The following GULP1 variants were observed in gnomAD, a reference collection of about 807,000 sequenced individuals.
GULP1 encodes the protein PTB domain-containing engulfment adapter protein 1.
GULP1 carries 19 observed loss-of-function variants against 40.9 expected under a neutral mutation model. The observed-to-expected ratio is 0.46, with a 90% CI of 0.32 to 0.68. The LOEUF is 0.68. Among genes scored for constraint, GULP1 ranks in the 30% least tolerant of loss-of-function variants. GULP1 has a pLI of 0.03. For missense variants in GULP1, 312 were observed against 362.2 expected (o/e 0.86, Z 1.12); for synonymous variants, 119 against 117.6 (o/e 1.01, Z -0.08).
chr2:188,404,105 GAATCT>G (rs1373639752), intron 2 of GULP1, among the ~76,000 whole-genome samples: 1 of 152,034 alleles, frequency 6.6e-6, no homozygotes, highest in Non-Finnish European at 1.5e-5. Context: ...AGGAATCTAA[GAATCT>G]AATCTAAGAT....
At chr2:188,437,987 C>T (rs901450309) in intron 2 of GULP1, among the ~76,000 whole-genome samples, 2 of 151,890 alleles carry the variant, frequency 1.3e-5, no homozygotes, top group Middle Eastern at 3.4e-3. Context: ...CTTAGTGCCT[C>T]GGTGATGAAA....
intron 1 of GULP1, among the ~76,000 whole-genome samples, chr2:188,366,194 A>G (rs1366778508): frequency 1.3e-5 from 2 of 152,166 alleles, no homozygotes; most frequent in Non-Finnish European, 2.9e-5. Flanking sequence ...ACTCTAAATT[A>G]GAAATTTTAT....
chr2:188,471,151 A>G (rs2060556555), intron 2 of GULP1, among the ~76,000 whole-genome samples: 2 of 152,080 alleles, frequency 1.3e-5, no homozygotes, highest in South Asian at 2.1e-4. Flanking sequence ...AATCTATTTT[A>G]TCTGAAATAA....
chr2:188,432,826 G>A (rs997449883), intron 2 of GULP1, among the ~76,000 whole-genome samples: 1 of 151,908 alleles, frequency 6.6e-6, no homozygotes, highest in Admixed American at 6.6e-5. Context: ...AAGCCAATTT[G>A]GTACCTCGTG....
chr2:188,473,436 A>T (rs1423589466), intron 2 of GULP1, among the ~76,000 whole-genome samples: 1 of 152,168 alleles, frequency 6.6e-6, no homozygotes, highest in Non-Finnish European at 1.5e-5. Flanking sequence ...AGTCAAAACC[A>T]CTTAGAAGTC....
intron 1 of GULP1, among the ~76,000 whole-genome samples, chr2:188,341,212 A>G (rs2042926465): frequency 6.6e-6 from 1 of 152,072 alleles, no homozygotes; most frequent in African/African-American, 2.4e-5. Context: ...GGGAGACCTC[A>G]GGGAGCTTTT....
intron 6 of GULP1, among the ~76,000 whole-genome samples, chr2:188,537,479 A>T (rs1365503952): frequency 1.3e-5 from 2 of 152,018 alleles, no homozygotes; most frequent in African/African-American, 4.8e-5. Flanking sequence ...TTTATGTTGA[A>T]TTGTATTTAT....
chr2:188,467,904 A>G (rs1237050093), intron 2 of GULP1, among the ~76,000 whole-genome samples: 3 of 152,162 alleles, frequency 2.0e-5, no homozygotes, highest in African/African-American at 4.8e-5. Flanking sequence ...TAAGTGATGA[A>G]TTGAATTAGA....
chr2:188,426,791 A>C (rs2056256658), intron 2 of GULP1, among the ~76,000 whole-genome samples: 2 of 152,254 alleles, frequency 1.3e-5, no homozygotes, highest in African/African-American at 4.8e-5. Flanking sequence ...AAGATACCTG[A>C]AAATGTGAAA....
At chr2:188,378,320 A>T (rs920305690) in intron 1 of GULP1, among the ~76,000 whole-genome samples, 1 of 151,968 alleles carries the variant, frequency 6.6e-6, no homozygotes, top group Non-Finnish European at 1.5e-5. Flanking sequence ...GTGGAACATT[A>T]CAATGGGCAA....
intron 2 of GULP1, among the ~76,000 whole-genome samples, chr2:188,418,506 G>A (rs189557191): frequency 2.0e-5 from 3 of 152,128 alleles, no homozygotes; most frequent in Non-Finnish European, 2.9e-5. Flanking sequence ...GGTGGTGGGC[G>A]CCTGTTATCC....
intron 2 of GULP1, among the ~76,000 whole-genome samples, chr2:188,430,846 T>G (rs76824620): frequency 0.018 from 2,732 of 152,268 alleles, 82 homozygotes; most frequent in African/African-American, 0.061. Context: ...TGTTGGACTG[T>G]AGATTATAAG....
chr2:188,334,931 T>A (rs2042068103), intron 1 of GULP1, among the ~76,000 whole-genome samples: 1 of 152,004 alleles, frequency 6.6e-6, no homozygotes, highest in South Asian at 2.1e-4. Context: ...TAGGAGGAAA[T>A]GAAAAACGCT....
At chr2:188,453,741 A>C (rs1268792885) in intron 2 of GULP1, among the ~76,000 whole-genome samples, 6 of 152,290 alleles carry the variant, frequency 3.9e-5, no homozygotes, top group Non-Finnish European at 7.4e-5. Flanking sequence ...ACCTCACTGC[A>C]CTTCATTTTG....
At chr2:188,315,608 G>A (rs938665810) in intron 1 of GULP1, among the ~76,000 whole-genome samples, 3 of 152,072 alleles carry the variant, frequency 2.0e-5, no homozygotes, top group Non-Finnish European at 2.9e-5. Flanking sequence ...TTGGATTAAT[G>A]AATACAGTAG....
intron 1 of GULP1, among the ~76,000 whole-genome samples, chr2:188,364,475 G>A (rs1187495905): frequency 6.6e-6 from 1 of 152,174 alleles, no homozygotes; most frequent in Admixed American, 6.5e-5. Context: ...TGTCTCCAGG[G>A]AAGGATGAAG....
At chr2:188,392,063 A>G (rs959182412) in intron 2 of GULP1, among the ~76,000 whole-genome samples, 4 of 151,710 alleles carry the variant, frequency 2.6e-5, no homozygotes, top group African/African-American at 7.3e-5. Context: ...ATACTGGTCT[A>G]TTGTTTTCTT....
At chr2:188,581,801 T>G (rs561589346) in intron 9 of GULP1, among the ~76,000 whole-genome samples, 19 of 152,336 alleles carry the variant, frequency 1.2e-4, no homozygotes, top group African/African-American at 4.6e-4. Context: ...ACAAAGAATC[T>G]GTGGACCTTA....
chr2:188,582,155 A>G (rs1305190018), intron 9 of GULP1, among the ~76,000 whole-genome samples: 1 of 152,216 alleles, frequency 6.6e-6, no homozygotes, highest in East Asian at 1.9e-4. Flanking sequence ...TAAGCAATCC[A>G]GAATCTAAGG....
Sources: allele counts gnomAD v4.1 joint callset (sites outside exome capture counted in the v4.1 genomes callset), GRCh38; gene constraint gnomAD v4.1.1; transcripts MANE v1.5; gene names NCBI Gene and HGNC (gene_info 2026-07-23, HGNC 2026-07-21).